The following SEZ6L variants were observed in gnomAD, a reference collection of about 807,000 sequenced individuals.
SEZ6L encodes the protein seizure related 6 homolog like.
Under a neutral mutation model 106.2 loss-of-function variants are expected in SEZ6L, and 37 were observed. The observed-to-expected ratio is 0.35, with a 90% CI of 0.27 to 0.46. The LOEUF is 0.46. Among genes scored for constraint, SEZ6L ranks in the 20% least tolerant of loss-of-function variants. The pLI is 1.00. For synonymous variants in SEZ6L, 541 were observed against 570.4 expected (o/e 0.95, Z 0.73); for missense variants, 1,172 against 1,332.8 (o/e 0.88, Z 1.88).
At chr22:26,335,106 T>C (rs1315470832) in intron 9 of SEZ6L, among the ~76,000 whole-genome samples, 7 of 152,196 alleles carry the variant, frequency 4.6e-5, no homozygotes, top group Non-Finnish European at 1.0e-4. Flanking sequence ...GGATGCTAGA[T>C]GCACTTGGTA....
chr22:26,240,314 G>A (rs886494429), intron 1 of SEZ6L, among the ~76,000 whole-genome samples: 10 of 151,850 alleles, frequency 6.6e-5, no homozygotes, highest in Admixed American at 1.3e-4. Flanking sequence ...CATCAGGTAC[G>A]TCCCACATTC....
intron 1 of SEZ6L, among the ~76,000 whole-genome samples, chr22:26,206,716 A>G (rs761410933): frequency 5.3e-5 from 8 of 152,250 alleles, no homozygotes; most frequent in Non-Finnish European, 7.3e-5. Context: ...GTAGATAATC[A>G]CAGTATCCTA....
intron 1 of SEZ6L, among the ~76,000 whole-genome samples, chr22:26,181,566 T>G (rs1425923864): frequency 2.0e-5 from 3 of 152,236 alleles, no homozygotes; most frequent in African/African-American, 7.2e-5. Flanking sequence ...CTATTTGTAG[T>G]TGTGGCTTTT....
chr22:26,248,547 G>A (rs9625001), intron 1 of SEZ6L, among the ~76,000 whole-genome samples: 2,191 of 152,204 alleles, frequency 0.014, 52 homozygotes, highest in African/African-American at 0.051. Flanking sequence ...TCTTTTTCAC[G>A]GTTGAGAAAA....
intron 1 of SEZ6L, among the ~76,000 whole-genome samples, chr22:26,246,268 G>A (rs1379430925): frequency 6.6e-6 from 1 of 152,154 alleles, no homozygotes; most frequent in African/African-American, 2.4e-5. Flanking sequence ...AGCCTCTCCT[G>A]TTGTAGAAAG....
chr22:26,354,929 G>A (rs902143585), intron 12 of SEZ6L, among the ~76,000 whole-genome samples: 12 of 152,240 alleles, frequency 7.9e-5, no homozygotes, highest in Non-Finnish European at 1.0e-4. Context: ...AGAGCCCTGC[G>A]TGTGGTGGCA....
chr22:26,364,251 G>T (rs1471391096), intron 12 of SEZ6L, among the ~76,000 whole-genome samples: 1 of 152,040 alleles, frequency 6.6e-6, no homozygotes. Context: ...ATTCCATCCA[G>T]GTGCTGAAAA....
chr22:26,381,938 A>C lies in SEZ6L; in HGVS notation c.*1643A>C, dbSNP rs1568966652. Reference sequence around the variant, plus strand: ...CCTTTCTGGCCATAGGGAGAATAGCAGGGAGTCTATGTTTTGGTGGTTACA... The same window carrying C: ...CCTTTCTGGCCATAGGGAGAATAGCCGGGAGTCTATGTTTTGGTGGTTACA... On this transcript the variant is annotated 3_prime_UTR_variant, in exon 17 of 17. Transcript: ENST00000248933. 1 of 499,274 alleles carries C rather than the reference A, an allele frequency of 2.0e-6. No homozygotes were observed. The highest frequency in any genetic ancestry group is 4.0e-6 in the Non-Finnish European group (1 of 250,296). The allele number at this position is 499,274 out of a possible 1,614,324, so 30.9% of individuals were successfully genotyped here.
In SEZ6L at chr22:26,292,782, C is replaced by T. The variant is rs1366277411; in HGVS notation, c.471C>T (p.Leu157=). The T allele has an allele frequency of 6.2e-7, 1 of 1,614,004 alleles. No homozygotes were observed. Among genetic ancestry groups the T allele is most frequent in the Non-Finnish European group, 8.5e-7 (1 of 1,179,964 alleles). Residue 157 remains leucine (L), a synonymous_variant, in exon 2 of 17, where the codon CTC becomes CTT. Transcript: ENST00000248933. ...CAGCGTCCCAGGGCCTAGATCTCCTCTCCTCCTCCACGGAGAAGCCTGGCC... is the reference window on the plus strand; with the variant it reads ...CAGCGTCCCAGGGCCTAGATCTCCTTTCCTCCTCCACGGAGAAGCCTGGCC... ...SQPASQGLDL[L]SSSTEKPGPP...
intron 1 of SEZ6L, among the ~76,000 whole-genome samples, chr22:26,187,368 G>C (rs1376237371): frequency 6.6e-6 from 1 of 152,164 alleles, no homozygotes; most frequent in East Asian, 1.9e-4. Context: ...CTCCCAACAC[G>C]TGGGGATTAC....
intron 10 of SEZ6L, among the ~76,000 whole-genome samples, chr22:26,342,707 A>AAAGAAAAG (rs145388635): frequency 0.24 from 35,192 of 146,914 alleles, 4,305 homozygotes; most frequent in East Asian, 0.36. Flanking sequence ...AGAAAAAAGA[A>AAAGAAAAG]AAAAGAAAAG....
At chr22:26,341,272 C>A (rs1220260333) in intron 10 of SEZ6L, among the ~76,000 whole-genome samples, 1 of 149,844 alleles carries the variant, frequency 6.7e-6, no homozygotes, top group African/African-American at 2.5e-5. Flanking sequence ...ACAAACAAAA[C>A]AAAAAAAAAA....
At position 26,169,780 on chromosome 22, in the gene SEZ6L, G is replaced by A. The variant is rs765241961; in HGVS notation, c.94+17G>A. 8.2e-5 allele frequency: 100 copies of A among 1,222,348 alleles called. 2 individuals carry two copies. Among genetic ancestry groups the A allele is most frequent in the Non-Finnish European group, 7.4e-5 (72 of 974,662 alleles). 75.7% of individuals were successfully genotyped at this position (1,222,348 alleles called of 1,614,324 possible). On this transcript the variant is annotated intron_variant, in intron 1 of 16. Transcript: ENST00000248933. Reference sequence around the variant, plus strand: ...TGGAGCGAGGTAAGCGCCCCGAGGGGCGGGGCGGGCAGGGGGCAAAGTTGC... The same window carrying A: ...TGGAGCGAGGTAAGCGCCCCGAGGGACGGGGCGGGCAGGGGGCAAAGTTGC...
At chr22:26,336,024 T>A (rs930047130) in intron 9 of SEZ6L, among the ~76,000 whole-genome samples, 7 of 152,160 alleles carry the variant, frequency 4.6e-5, no homozygotes, top group Admixed American at 3.9e-4. Flanking sequence ...TTCTCTTATA[T>A]AAGCTAGAGG....
chr22:26,201,417 C>T (rs1001632161), intron 1 of SEZ6L, among the ~76,000 whole-genome samples: 6 of 148,246 alleles, frequency 4.0e-5, no homozygotes, highest in African/African-American at 7.5e-5. Context: ...GGAAATTTGC[C>T]GGGTATGGTG....
intron 1 of SEZ6L, among the ~76,000 whole-genome samples, chr22:26,249,481 C>A (rs1490976530): frequency 1.3e-5 from 2 of 152,134 alleles, no homozygotes; most frequent in Non-Finnish European, 2.9e-5. Flanking sequence ...ATCCTTGTTA[C>A]CTCCAATGAC....
At position 26,306,103 on chromosome 22, in the gene SEZ6L, G is replaced by T; in HGVS notation, c.1473G>T (p.Leu491=). 6.2e-7 allele frequency: 1 copy of T among 1,614,100 alleles called. No homozygotes were observed. The highest frequency in any genetic ancestry group is 8.5e-7 in the Non-Finnish European group (1 of 1,180,028). Residue 491 remains leucine (L), a synonymous_variant, in exon 6 of 17, where the codon CTG becomes CTT. Coordinates refer to ENST00000248933, the MANE Select transcript of SEZ6L (RefSeq NM_021115.5). ...WTIEAPEGQK[L]HLHFERLLLH... ...TTGAAGCTCCAGAGGGCCAGAAGCT[G>T]CACCTGCACTTTGAGAGGCTGTTGC... is the stretch of plus-strand genomic sequence containing the variant.
At chr22:26,308,839 C>T (rs1335973661) in intron 6 of SEZ6L, among the ~76,000 whole-genome samples, 16 of 152,184 alleles carry the variant, frequency 1.1e-4, no homozygotes, top group Non-Finnish European at 2.4e-4. Flanking sequence ...GATCTTGAAG[C>T]TTTCCTCCAG....
chr22:26,274,827 C>T (rs1264465211), intron 1 of SEZ6L, among the ~76,000 whole-genome samples: 7 of 152,188 alleles, frequency 4.6e-5, no homozygotes, highest in Admixed American at 6.5e-5. Context: ...GAAACTCACC[C>T]GACCTTCAGT....
Sources: allele counts gnomAD v4.1 joint callset (sites outside exome capture counted in the v4.1 genomes callset), GRCh38; gene constraint gnomAD v4.1.1; transcripts MANE v1.5; gene names NCBI Gene and HGNC (gene_info 2026-07-23, HGNC 2026-07-21).